TG: variants seen among roughly 807,000 people sequenced by gnomAD.
The protein encoded by TG is thyroid hormones.
In TG, 270 loss-of-function variants were observed where a neutral mutation model predicts 324.7. The ratio of observed to expected loss-of-function variants is 0.83; its 90% CI spans 0.75 to 0.92. The LOEUF (loss-of-function observed/expected upper bound fraction) is 0.92, where lower values mean the gene tolerates loss of function less well. TG is among the 40% of genes least tolerant of loss of function. TG has a pLI of 0.00. For synonymous variants in TG, 1,401 were observed against 1,327.0 expected, an observed-to-expected ratio of 1.06 and a Z score of -1.21; for missense variants, 3,591 against 3,456.4, an observed-to-expected ratio of 1.04 and a Z score of -0.98.
Position 132,908,264 on chromosome 8 carries a change from A to C in TG, c.3926A>C (p.Asp1309Ala). The stretch of plus-strand genomic sequence containing the variant: ...CCGCCGGGCAAGATGTGCAGTGCTG[A>C]CTACGCGGATTTGCTGCAGACTTTC... ...QLPPGKMCSA[D>A]YADLLQTFQV... Residue 1309 changes from aspartate (D) to alanine (A), a missense_variant, in exon 18 of 48, where the codon GAC becomes GCC. Transcript: ENST00000220616. 6.2e-7 allele frequency: 1 copy of C among 1,613,932 alleles called. No homozygotes were observed. Among genetic ancestry groups the C allele is most frequent in the Non-Finnish European group, 8.5e-7 (1 of 1,179,974 alleles).
intron 41 of TG, among the ~76,000 whole-genome samples, chr8:133,042,913 C>T (rs1349912067): frequency 1.3e-5 from 2 of 151,754 alleles, no homozygotes; most frequent in South Asian, 2.1e-4. Flanking sequence ...AGACTAGCCT[C>T]GAACTCCTGA....
chr8:132,902,498 C>T (rs1818072346), intron 16 of TG, among the ~76,000 whole-genome samples: 1 of 152,108 alleles, frequency 6.6e-6, no homozygotes, highest in African/African-American at 2.4e-5. Flanking sequence ...TGTGCTGTGT[C>T]CAAGGCTTTT....
rs114356482 is a variant in TG, at chr8:132,893,787, G to A, written c.2859G>A (p.Leu953=). The A allele has an allele frequency of 3.1e-4, 502 of 1,613,990 alleles. 3 individuals carry two copies. The African/African-American group carries it at 5.5e-3, about 18-fold the overall frequency. Residue 953 remains leucine, a synonymous_variant, in exon 11 of 48, where the codon CTG becomes CTA. Coordinates refer to ENST00000220616, the MANE Select transcript of TG (RefSeq NM_003235.5). ...VSASNSSRFP[L]GESFLVAKGI... is the part of the protein sequence containing the mutation. ...CTTCCAACAGTTCTCGGTTCCCTCT[G>A]GGGGAGAGTTTCCTGGTGGCCAAGG... is the stretch of plus-strand genomic sequence containing the variant.
intron 20 of TG, among the ~76,000 whole-genome samples, chr8:132,915,192 A>G (rs1820114168): frequency 6.6e-6 from 1 of 152,100 alleles, no homozygotes; most frequent in Non-Finnish European, 1.5e-5. Flanking sequence ...ATGGGTCTGG[A>G]AGCAGCCCCA....
Position 133,048,729 on chromosome 8 carries a change from G to A in TG, c.7239+18706G>A, listed in dbSNP as rs540099160. The A allele has an allele frequency of 3.1e-5, 5 of 158,866 alleles. No homozygotes were observed. The South Asian group carries it at 7.0e-4, about 22-fold the overall frequency. The allele number at this position is 158,866 out of a possible 1,614,324, so 9.8% of individuals were successfully genotyped here. On this transcript the variant is annotated intron_variant, in intron 41 of 47. Coordinates refer to ENST00000220616, the MANE Select transcript of TG (RefSeq NM_003235.5). ...CAAGCAGCTGATGTAGGAGAGTCAC[G>A]TGACTCCCATCTCTTTCAGAACGTG...
At chr8:133,017,236 T>A (rs1267745320) in intron 37 of TG, among the ~76,000 whole-genome samples, 1 of 151,854 alleles carries the variant, frequency 6.6e-6, no homozygotes, top group Non-Finnish European at 1.5e-5. Context: ...ACTGCAATTC[T>A]GAAACCCAAA....
chr8:132,989,101 T>G (rs1462029256), intron 35 of TG, among the ~76,000 whole-genome samples: 2 of 152,192 alleles, frequency 1.3e-5, no homozygotes, highest in Non-Finnish European at 2.9e-5. Flanking sequence ...ATGCCATTTT[T>G]AAAAGCCGTC....
rs201453011 is a variant in TG, at chr8:132,901,521, C to T, written c.3602C>T (p.Thr1201Met). Residue 1201 changes from threonine to methionine, a missense_variant, in exon 16 of 48, where the codon ACG becomes ATG. Transcript: ENST00000220616. ...VMDSGEEVPG[T>M]RVTGGQPACE... ...GACAGCGGAGAAGAGGTGCCTGGGA[C>T]GCGCGTGACCGGGGGCCAGCCCGCC... 2.1e-5 allele frequency: 34 copies of T among 1,613,662 alleles called. No individual in the cohort carries two copies. The highest frequency in any genetic ancestry group is 2.0e-4 in the East Asian group (9 of 44,884).
intron 37 of TG, among the ~76,000 whole-genome samples, chr8:133,016,559 C>G (rs1337558675): frequency 6.6e-6 from 1 of 152,208 alleles, no homozygotes; most frequent in Non-Finnish European, 1.5e-5. Context: ...GTCACCACTG[C>G]AATAGATACA....
At chr8:133,130,240 C>T (rs1216921935) in intron 45 of TG, among the ~76,000 whole-genome samples, 2 of 152,176 alleles carry the variant, frequency 1.3e-5, no homozygotes, top group Non-Finnish European at 2.9e-5. Flanking sequence ...CACTAGAATA[C>T]TTGGAATGCA....
intron 35 of TG, among the ~76,000 whole-genome samples, chr8:133,004,980 C>A (rs773991374): frequency 2.0e-5 from 3 of 151,948 alleles, no homozygotes; most frequent in African/African-American, 7.2e-5. Flanking sequence ...TGGGAGGAGG[C>A]GATAAGGATG....
Position 132,972,722 on chromosome 8 carries a change from C to T in TG, c.6180C>T (p.Phe2060=), listed in dbSNP as rs141876854. Residue 2060 remains phenylalanine (F), a synonymous_variant, in exon 34 of 48, where the codon TTC becomes TTT. Coordinates refer to ENST00000220616, the MANE Select transcript of TG (RefSeq NM_003235.5). ...SPDIEVHTYP[F]GWYQKPIAQN... ...ACATTGAAGTCCACACCTATCCCTT[C>T]GGATGGTACCAGAAGCCCAGTAAGT... 238 of 1,614,084 alleles carry T rather than the reference C, an allele frequency of 1.5e-4. 2 individuals are homozygous for T. Among genetic ancestry groups the T allele is most frequent in the African/African-American group, 1.4e-3 (104 of 75,032 alleles).
chr8:133,048,232 T>A (rs1232694175), intron 41 of TG, among the ~76,000 whole-genome samples: 2 of 152,180 alleles, frequency 1.3e-5, no homozygotes, highest in Non-Finnish European at 2.9e-5. Flanking sequence ...ATGTAATTTT[T>A]TTTTTGGAAA....
intron 41 of TG, among the ~76,000 whole-genome samples, chr8:133,057,815 T>C (rs1337601025): frequency 2.0e-5 from 3 of 151,870 alleles, no homozygotes; most frequent in Middle Eastern, 3.2e-3. Flanking sequence ...AAAGCCATGT[T>C]CCAAGGCATT....
At chr8:132,931,953 G>A (rs1822781610) in intron 23 of TG, among the ~76,000 whole-genome samples, 1 of 152,050 alleles carries the variant, frequency 6.6e-6, no homozygotes, top group Non-Finnish European at 1.5e-5. Context: ...AATTAGCCAG[G>A]CGTGATGGTG....
intron 41 of TG, among the ~76,000 whole-genome samples, chr8:133,059,653 A>G (rs1216783643): frequency 6.6e-6 from 1 of 152,132 alleles, no homozygotes; most frequent in Non-Finnish European, 1.5e-5. Context: ...TAGAAAAGTA[A>G]CACAGATCCA....
chr8:133,106,124 G>T (rs935538220), intron 43 of TG, among the ~76,000 whole-genome samples: 68 of 152,172 alleles, frequency 4.5e-4, no homozygotes, highest in African/African-American at 1.4e-3. Flanking sequence ...GTCTGAAAGA[G>T]CCAGTGGGGG....
At chr8:133,084,895 A>G (rs1317941572) in intron 41 of TG, among the ~76,000 whole-genome samples, 1 of 152,202 alleles carries the variant, frequency 6.6e-6, no homozygotes, top group Non-Finnish European at 1.5e-5. Flanking sequence ...TGGCACATAG[A>G]GGGTGGGTAG....
intron 10 of TG, among the ~76,000 whole-genome samples, chr8:132,891,166 T>A (rs16904778): frequency 0.035 from 5,350 of 152,144 alleles, 215 homozygotes; most frequent in African/African-American, 0.092. Context: ...ACTGGGATGA[T>A]TCTTGAGAGG....
Sources: allele counts gnomAD v4.1 joint callset (sites outside exome capture counted in the v4.1 genomes callset), GRCh38; gene constraint gnomAD v4.1.1; transcripts MANE v1.5; gene names NCBI Gene and HGNC (gene_info 2026-07-23, HGNC 2026-07-21).